ATP8A2: variants seen among roughly 807,000 people sequenced by gnomAD.
ATP8A2 encodes the protein phospholipid-transporting ATPase IB.
In ATP8A2, 100 loss-of-function variants were observed where a neutral mutation model predicts 165.6. That is an observed-to-expected ratio of 0.60 (90% CI 0.51 to 0.71). The LOEUF is 0.71. Ranked by LOEUF, ATP8A2 falls within the 30% of genes least tolerant of loss-of-function variation. The pLI is 0.00. For synonymous variants in ATP8A2, 543 were observed against 548.8 expected (o/e 0.99, Z 0.15); for missense variants, 1,227 against 1,479.5 (o/e 0.83, Z 2.80).
intron 24 of ATP8A2, among the ~76,000 whole-genome samples, chr13:25,678,334 A>G (rs546080930): frequency 2.0e-5 from 3 of 152,302 alleles, no homozygotes; most frequent in Non-Finnish European, 4.4e-5. Context: ...GGAGAAGGGT[A>G]GAGGCACTTA....
intron 24 of ATP8A2, among the ~76,000 whole-genome samples, chr13:25,625,570 G>C (rs1051738215): frequency 5.3e-5 from 8 of 152,194 alleles, no homozygotes; most frequent in African/African-American, 1.9e-4. Context: ...TCTTTGGGGA[G>C]GCAGGGGCAG....
At chr13:25,801,331 G>A (rs769563200) in intron 27 of ATP8A2, among the ~76,000 whole-genome samples, 4 of 152,178 alleles carry the variant, frequency 2.6e-5, no homozygotes, top group Non-Finnish European at 5.9e-5. Context: ...TCTGACCTGA[G>A]GAAAATTCCC....
chr13:25,778,342 C>T (rs1312632812), intron 27 of ATP8A2, among the ~76,000 whole-genome samples: 1 of 152,126 alleles, frequency 6.6e-6, no homozygotes, highest in Non-Finnish European at 1.5e-5. Flanking sequence ...TTAATTAATG[C>T]TTGTTGAGTG....
chr13:25,937,331 T>C (rs1176032860), intron 33 of ATP8A2, among the ~76,000 whole-genome samples: 2 of 150,108 alleles, frequency 1.3e-5, no homozygotes, highest in African/African-American at 4.9e-5. Flanking sequence ...GGCATTTTAT[T>C]TTTTTTGCTT....
chr13:25,655,682 A>G (rs943396789), intron 24 of ATP8A2, among the ~76,000 whole-genome samples: 14 of 151,796 alleles, frequency 9.2e-5, no homozygotes, highest in African/African-American at 3.1e-4. Context: ...GACCTTAAGC[A>G]TCAGTAGTTT....
At chr13:25,791,368 C>G (rs1005973057) in intron 27 of ATP8A2, among the ~76,000 whole-genome samples, 11 of 152,056 alleles carry the variant, frequency 7.2e-5, no homozygotes, top group African/African-American at 2.7e-4. Context: ...ATAACACACA[C>G]TGGGGCCTAT....
At chr13:25,576,425 G>T (rs968911739) in intron 19 of ATP8A2, among the ~76,000 whole-genome samples, 1 of 152,126 alleles carries the variant, frequency 6.6e-6, no homozygotes, top group African/African-American at 2.4e-5. Context: ...TCATGGGAGG[G>T]TTGGTGGGAG....
intron 24 of ATP8A2, among the ~76,000 whole-genome samples, chr13:25,695,436 T>C (rs2042814980): frequency 1.3e-5 from 2 of 152,172 alleles, no homozygotes; most frequent in African/African-American, 4.8e-5. Flanking sequence ...CTGCATCTGT[T>C]GACTCTACTT....
At chr13:25,549,172 G>A (rs577977464) in intron 10 of ATP8A2, among the ~76,000 whole-genome samples, 14 of 151,918 alleles carry the variant, frequency 9.2e-5, no homozygotes, top group East Asian at 1.9e-4. Context: ...TTAAAAGTCC[G>A]GGCCCGGCCG....
rs115324630 is a variant in ATP8A2, at chr13:25,883,215, G to A, written c.3183+20807G>A. Among the ~76,000 whole-genome samples the A allele has an allele frequency of 5.5e-3, 829 of 152,070 alleles. 14 individuals carry two copies. The highest frequency in any genetic ancestry group is 0.02 in the African/African-American group (811 of 41,472). ...TCTAGCTCTCCCTCTCCAGTGTGTG[G>A]CATGCTTTCTCTGCACTCTCAGAGC... On this transcript the variant is annotated intron_variant, in intron 33 of 36. Coordinates refer to ENST00000381655, the MANE Select transcript of ATP8A2 (RefSeq NM_016529.6).
chr13:25,724,414 A>G (rs1207760806), intron 25 of ATP8A2, among the ~76,000 whole-genome samples: 2 of 152,186 alleles, frequency 1.3e-5, no homozygotes, highest in Non-Finnish European at 2.9e-5. Flanking sequence ...CTGAACAGGG[A>G]AGCCTGGACA....
At chr13:25,454,650 G>A (rs561856182) in intron 1 of ATP8A2, among the ~76,000 whole-genome samples, 2 of 152,276 alleles carry the variant, frequency 1.3e-5, no homozygotes, top group Admixed American at 6.5e-5. Context: ...TTGGCCGGGC[G>A]CGGTGGCTCA....
At chr13:25,440,716 A>AT (rs1036743587) in intron 1 of ATP8A2, among the ~76,000 whole-genome samples, 3 of 152,176 alleles carry the variant, frequency 2.0e-5, no homozygotes, top group Non-Finnish European at 2.9e-5. Context: ...ACAAGCAGTG[A>AT]TTTTTTTGAG....
intron 2 of ATP8A2, among the ~76,000 whole-genome samples, chr13:25,484,853 A>G (rs545578637): frequency 6.6e-5 from 10 of 152,326 alleles, no homozygotes; most frequent in African/African-American, 2.4e-4. Flanking sequence ...AAAATATGAC[A>G]CTTTTGTTTT....
intron 27 of ATP8A2, among the ~76,000 whole-genome samples, chr13:25,797,003 C>G (rs947172850): frequency 6.6e-6 from 1 of 152,204 alleles, no homozygotes; most frequent in African/African-American, 2.4e-5. Context: ...CGCCATGGCT[C>G]ATGCCTATAA....
chr13:25,930,726 G>A (rs1395780815), intron 33 of ATP8A2, among the ~76,000 whole-genome samples: 1 of 152,102 alleles, frequency 6.6e-6, no homozygotes, highest in Non-Finnish European at 1.5e-5. Context: ...CATAACATGG[G>A]CTCAAAAGTA....
At chr13:25,513,457 G>A (rs2037345284) in intron 2 of ATP8A2, among the ~76,000 whole-genome samples, 1 of 150,228 alleles carries the variant, frequency 6.7e-6, no homozygotes, top group Non-Finnish European at 1.5e-5. Flanking sequence ...GGGAAGAGGC[G>A]CTCCTCACTT....
intron 33 of ATP8A2, among the ~76,000 whole-genome samples, chr13:25,919,882 G>T (rs376987447): frequency 6.6e-6 from 1 of 152,102 alleles, no homozygotes; most frequent in South Asian, 2.1e-4. Flanking sequence ...GAACTCCCAC[G>T]CTCAGGCAGT....
chr13:25,830,691 C>T (rs1951438179), intron 28 of ATP8A2, among the ~76,000 whole-genome samples: 1 of 152,188 alleles, frequency 6.6e-6, no homozygotes, highest in African/African-American at 2.4e-5. Context: ...TTACCCTTCA[C>T]CCAGATTGAA....
Sources: gnomAD v4.1 joint callset for allele counts (sites outside exome capture counted in the v4.1 genomes callset) on GRCh38, gnomAD v4.1.1 for gene constraint, MANE v1.5 for transcripts, NCBI Gene and HGNC (gene_info 2026-07-23, HGNC 2026-07-21) for gene names.